The following IGSF9B variants were observed in gnomAD, a reference collection of about 807,000 sequenced individuals.
IGSF9B encodes immunoglobulin superfamily member 9B.
In IGSF9B, 48 loss-of-function variants were observed where a neutral mutation model predicts 143.7. The observed-to-expected ratio is 0.33, with a 90% CI of 0.26 to 0.42. IGSF9B has a LOEUF of 0.42. IGSF9B is among the 20% of genes least tolerant of loss of function. The probability of loss-of-function intolerance (pLI) is 1.00; values close to 1 mark genes in which losing one functional copy is unlikely to be tolerated. For synonymous variants in IGSF9B, 903 were observed against 833.1 expected, an observed-to-expected ratio of 1.08 and a Z score of -1.44; for missense variants, 1,706 against 1,980.0, an observed-to-expected ratio of 0.86 and a Z score of 2.63.
rs1939089185 is a variant in IGSF9B, at chr11:133,899,821, T to G, written c.*9248A>C. 1.3e-5 allele frequency: 2 copies of G among 152,222 alleles called. No homozygotes were observed. The highest frequency in any genetic ancestry group is 2.9e-5 in the Non-Finnish European group (2 of 68,070). The allele number at this position is 152,222 out of a possible 1,614,324, so 9.4% of individuals were successfully genotyped here. A position where few individuals can be genotyped will look rare whatever the true frequency, so the allele number is the denominator to read the frequency against. The stretch of plus-strand genomic sequence containing the variant: ...TTCAAGGTAGGAAGGGAACAGAATT[T>G]GCACCTCTTCTTCTTGCCCAATCCC... On this transcript the variant is annotated 3_prime_UTR_variant, in exon 20 of 20. Transcript: ENST00000533871.
Position 133,903,097 on chromosome 11 carries a change from C to G in IGSF9B, c.*5972G>C, listed in dbSNP as rs995676275. 6.6e-6 allele frequency among the ~76,000 whole-genome samples: 1 copy of G among 151,522 alleles called. No homozygotes were observed. The highest frequency in any genetic ancestry group is 1.5e-5 in the Non-Finnish European group (1 of 67,948). On this transcript the variant is annotated 3_prime_UTR_variant, in exon 20 of 20. Coordinates refer to ENST00000533871, the MANE Select transcript of IGSF9B (RefSeq NM_001277285.4). ...CATGTTCACGATCCCTGGAGCCATA[C>G]AGAAGTGGGGAAAGGAAAAGGGAAG...
intron 3 of IGSF9B, among the ~76,000 whole-genome samples, chr11:133,938,565 T>C (rs1483849167): frequency 1.3e-5 from 2 of 152,240 alleles, no homozygotes; most frequent in African/African-American, 4.8e-5. Context: ...CCCCCCTGCA[T>C]TGGAGATTTG....
chr11:133,922,485 C>A, intron 16 of IGSF9B, 84 bp downstream of exon 16: 1 of 1,329,658 alleles, frequency 7.5e-7, no homozygotes, highest in Non-Finnish European at 1.0e-6. Flanking sequence ...CCAAGGGGGG[C>A]CATGCTAAAA....
chr11:133,951,478 G>C (rs1378659741), intron 1 of IGSF9B, among the ~76,000 whole-genome samples: 1 of 152,242 alleles, frequency 6.6e-6, no homozygotes, highest in Non-Finnish European at 1.5e-5. Flanking sequence ...TTCCTTCTGC[G>C]GGGGCCGCTC....
intron 1 of IGSF9B, among the ~76,000 whole-genome samples, chr11:133,956,199 G>C (rs1235292612): frequency 6.6e-6 from 1 of 152,138 alleles, no homozygotes; most frequent in Non-Finnish European, 1.5e-5. Context: ...CGCGAACCCG[G>C]GGCCTTAGAC....
At position 133,931,221 on chromosome 11, in the gene IGSF9B, A is replaced by G; in HGVS notation, c.1369-87T>C. 3.6e-6 allele frequency: 5 copies of G among 1,392,272 alleles called. No homozygotes were observed. In the South Asian group the frequency reaches 6.6e-5, roughly 18 times the overall value. 86.2% of individuals were successfully genotyped at this position (1,392,272 alleles called of 1,614,324 possible). On this transcript the variant is annotated intron_variant, in intron 10 of 19. Transcript: ENST00000533871. The surrounding 1 kb of genome is among the most constrained non-coding windows in gnomAD (Gnocchi z 7.7). ...GAAGCAGATGGGGAGGACGCGCCTG[A>G]GACCCCGGCCCGCCCACGCTGCCCT...
At position 133,909,357 on chromosome 11, in the gene IGSF9B, T is replaced by C; in HGVS notation, c.4106-80A>G. ...ACGCAGCCTGCTCACCTTTTCCACC[T>C]GCATTTGTTCCGGGTTTCTAATGTT... On this transcript the variant is annotated intron_variant, in intron 19 of 19. Coordinates refer to ENST00000533871, the MANE Select transcript of IGSF9B (RefSeq NM_001277285.4). This position sits in a 1 kb window ranked among gnomAD's most constrained non-coding sequence, Gnocchi z 4.2. 3 of 1,128,246 alleles carry C rather than the reference T, an allele frequency of 2.7e-6. No homozygotes were observed. Among genetic ancestry groups the C allele is most frequent in the Non-Finnish European group, 3.8e-6 (3 of 779,920 alleles). The allele number at this position is 1,128,246 out of a possible 1,614,324, so 69.9% of individuals were successfully genotyped here.
In IGSF9B at chr11:133,912,048, T is replaced by G. The variant is rs1289456186; in HGVS notation, c.3984-41A>C. Reference sequence around the variant, plus strand: ...AGAGAGCCACAATTCAGCTCCCGGATGTGTGAGGCTTTGGAAGAGGGGCTG... The same window carrying G: ...AGAGAGCCACAATTCAGCTCCCGGAGGTGTGAGGCTTTGGAAGAGGGGCTG... On this transcript the variant is annotated intron_variant, in intron 18 of 19. Transcript: ENST00000533871. The G allele has an allele frequency of 4.7e-6, 7 of 1,491,934 alleles. No individual in the cohort carries two copies. The African/African-American group carries it at 8.5e-5, about 18-fold the overall frequency. 92.4% of individuals were successfully genotyped at this position (1,491,934 alleles called of 1,614,324 possible).
At chr11:133,929,911 G>A in intron 11 of IGSF9B, 129 bp from the exon 12 acceptor site, 2 of 633,070 alleles carry the variant, frequency 3.2e-6, no homozygotes, top group South Asian at 1.9e-5. Context: ...GCAAGTGAAG[G>A]GATGGGGGCG....
Position 133,931,925 on chromosome 11 carries a change from C to G in IGSF9B, c.1111-130G>C. On this transcript the variant is annotated intron_variant, in intron 8 of 19. Coordinates refer to ENST00000533871, the MANE Select transcript of IGSF9B (RefSeq NM_001277285.4). This position sits in a 1 kb window ranked among gnomAD's most constrained non-coding sequence, Gnocchi z 7.7. ...GCTCCAGCCCGGGGCGGGCGGCACCCGCAGACCCCTACAGAAGCAGCTCTC... is the reference window on the plus strand; with the variant it reads ...GCTCCAGCCCGGGGCGGGCGGCACCGGCAGACCCCTACAGAAGCAGCTCTC... 2 of 1,494,182 alleles carry G rather than the reference C, an allele frequency of 1.3e-6. No homozygotes were observed. The highest frequency in any genetic ancestry group is 1.8e-6 in the Non-Finnish European group (2 of 1,111,284). The allele number at this position is 1,494,182 out of a possible 1,614,324, so 92.6% of individuals were successfully genotyped here.
At chr11:133,941,272 A>C (rs1240675951) in intron 3 of IGSF9B, among the ~76,000 whole-genome samples, 2 of 152,154 alleles carry the variant, frequency 1.3e-5, no homozygotes, top group African/African-American at 2.4e-5. Context: ...CCTCTCCTCC[A>C]TGTAATTCAC....
intron 1 of IGSF9B, among the ~76,000 whole-genome samples, chr11:133,947,979 C>G (rs1444589880): frequency 1.3e-5 from 2 of 152,028 alleles, no homozygotes; most frequent in African/African-American, 4.8e-5. Flanking sequence ...GTCTCTTTCT[C>G]TCTAGCTCTT....
At position 133,896,709 on chromosome 11, in the gene IGSF9B, G is replaced by C. The variant is rs184839758; in HGVS notation, c.*12360C>G. The C allele has an allele frequency of 1.3e-5, 2 of 152,234 alleles. No homozygotes were observed. The highest frequency in any genetic ancestry group is 4.8e-5 in the African/African-American group (2 of 41,452). 9.4% of individuals were successfully genotyped at this position (152,234 alleles called of 1,614,324 possible). ...AGTTGGTTAGTACTTAGCAAGCCTG[G>C]AAATACCAGCGAGTGGAGCCTGGCG... On this transcript the variant is annotated 3_prime_UTR_variant, in exon 20 of 20. Coordinates refer to ENST00000533871, the MANE Select transcript of IGSF9B (RefSeq NM_001277285.4).
rs778638707 is a variant in IGSF9B, at chr11:133,944,376, T to TAGAGCAGACAAA, written c.263-22_263-11dup. 5 of 1,612,552 alleles carry TAGAGCAGACAAA rather than the reference T, an allele frequency of 3.1e-6. No homozygotes were observed. The East Asian group carries it at 1.1e-4, about 36-fold the overall frequency. On this transcript the variant is annotated splice_polypyrimidine_tract_variant and intron_variant, in intron 2 of 19. Transcript: ENST00000533871. Reference sequence around the variant, plus strand: ...TGAAGACTGGCCCGGCCTGGGGGAATAGAGCAGACAAAAGCCCCACAGGCC... The same window carrying TAGAGCAGACAAA: ...TGAAGACTGGCCCGGCCTGGGGGAATAGAGCAGACAAAAGAGCAGACAAAAGCCCCACAGGCC...
rs1380887863 is a variant in IGSF9B, at chr11:133,896,847, A to C, written c.*12222T>G. 6.6e-6 allele frequency: 1 copy of C among 152,358 alleles called. No homozygotes were observed. Among genetic ancestry groups the C allele is most frequent in the Admixed American group, 6.5e-5 (1 of 15,286 alleles). 9.4% of individuals were successfully genotyped at this position (152,358 alleles called of 1,614,324 possible). A position where few individuals can be genotyped will look rare whatever the true frequency, so the allele number is the denominator to read the frequency against. On this transcript the variant is annotated 3_prime_UTR_variant, in exon 20 of 20. Transcript: ENST00000533871. ...AAAGGGATCACCATCATCAGCAGCC[A>C]GGGCAGGCGTCTATTGCTTAGGGCC... is the stretch of plus-strand genomic sequence containing the variant.
Position 133,913,521 on chromosome 11 carries a change from A to C in IGSF9B, c.3984-1514T>G, listed in dbSNP as rs1453227366. Among the ~76,000 whole-genome samples, 12 of 152,136 alleles carry C rather than the reference A, an allele frequency of 7.9e-5. No homozygotes were observed. The highest frequency in any genetic ancestry group is 1.8e-4 in the Non-Finnish European group (12 of 68,034). On this transcript the variant is annotated intron_variant, in intron 18 of 19. Transcript: ENST00000533871. This position sits in a 1 kb window ranked among gnomAD's most constrained non-coding sequence, Gnocchi z 4.6. The stretch of plus-strand genomic sequence containing the variant: ...GGATGTCATCATTCTCTAGTCCTTT[A>C]GTCCATAAAGTTTCAAAAGGCTCCC...
At chr11:133,947,676 G>C (rs961068296) in intron 1 of IGSF9B, among the ~76,000 whole-genome samples, 1 of 150,092 alleles carries the variant, frequency 6.7e-6, no homozygotes, top group Non-Finnish European at 1.5e-5. Context: ...GTCTGTGCAC[G>C]CACACACACA....
Position 133,926,929 on chromosome 11 carries a change from A to T in IGSF9B, c.1794T>A (p.Thr598=). ...CCGGGCCCTCACCTAAAGTGTTCACAGTGACCACCTCACTGAAGGCGCTGG... is the reference window on the plus strand; with the variant it reads ...CCGGGCCCTCACCTAAAGTGTTCACTGTGACCACCTCACTGAAGGCGCTGG... ...LGTSAFSEVV[T]VNTLAFPITT... is the part of the protein sequence containing the mutation. The change falls in exon 13 of 20, where the codon ACT becomes ACA. Residue 598 remains threonine, a synonymous_variant. Coordinates refer to ENST00000533871, the MANE Select transcript of IGSF9B (RefSeq NM_001277285.4). The T allele has an allele frequency of 6.3e-7, 1 of 1,596,030 alleles. No individual in the cohort carries two copies. Among genetic ancestry groups the T allele is most frequent in the Non-Finnish European group, 8.5e-7 (1 of 1,171,124 alleles).
chr11:133,913,165 C>A lies in IGSF9B; in HGVS notation c.3984-1158G>T, dbSNP rs529638675. Among the ~76,000 whole-genome samples the A allele has an allele frequency of 6.6e-6, 1 of 152,170 alleles. No homozygotes were observed. Among genetic ancestry groups the A allele is most frequent in the African/African-American group, 2.4e-5 (1 of 41,444 alleles). On this transcript the variant is annotated intron_variant, in intron 18 of 19. Coordinates refer to ENST00000533871, the MANE Select transcript of IGSF9B (RefSeq NM_001277285.4). The surrounding 1 kb of genome is among the most constrained non-coding windows in gnomAD (Gnocchi z 4.6). ...GAGAAGCAGGGACGCTCTGGGGCCA[C>A]GGCGGACAGGCGTGCCTCGCTCTTC...
Sources: allele counts gnomAD v4.1 joint callset (sites outside exome capture counted in the v4.1 genomes callset), GRCh38; gene constraint gnomAD v4.1.1; non-coding constraint Gnocchi (gnomAD v3.1); transcripts MANE v1.5; gene names NCBI Gene and HGNC (gene_info 2026-07-23, HGNC 2026-07-21).